Variants in SOX6 observed in about 807,000 individuals in gnomAD.
The protein encoded by SOX6 is SRY-box transcription factor 6, also known as transcription factor SOX-6.
A neutral mutation model predicts 97.8 loss-of-function variants in SOX6; 11 were observed. The observed-to-expected ratio is 0.11, with a 90% CI of 0.07 to 0.19. SOX6 has a LOEUF of 0.19. Among genes scored for constraint, SOX6 ranks in the 10% least tolerant of loss-of-function variants. The probability of loss-of-function intolerance (pLI) is 1.00; values close to 1 mark genes in which losing one functional copy is unlikely to be tolerated. For synonymous variants in SOX6, 360 were observed against 371.4 expected, an observed-to-expected ratio of 0.97 and a Z score of 0.35; for missense variants, 810 against 1,039.5, an observed-to-expected ratio of 0.78 and a Z score of 3.04.
intron 4 of SOX6, among the ~76,000 whole-genome samples, chr11:16,568,426 G>A (rs1202138545): frequency 6.6e-6 from 1 of 152,170 alleles, no homozygotes; most frequent in Non-Finnish European, 1.5e-5. Context: ...GCAGATTTGG[G>A]GAGAAGGGAG....
intron 3 of SOX6, among the ~76,000 whole-genome samples, chr11:16,664,224 C>T (rs551479748): frequency 6.6e-6 from 1 of 152,190 alleles, no homozygotes; most frequent in East Asian, 1.9e-4. Context: ...TTCATAAGAA[C>T]CAAAAATCAG....
chr11:16,438,370 C>T (rs573396942), intron 1 of SOX6, among the ~76,000 whole-genome samples: 21 of 151,880 alleles, frequency 1.4e-4, no homozygotes, highest in African/African-American at 3.9e-4. Context: ...CAAAATTGGG[C>T]GATATTTACC....
intron 4 of SOX6, among the ~76,000 whole-genome samples, chr11:16,509,484 A>T (rs1176908290): frequency 6.6e-6 from 1 of 152,060 alleles, no homozygotes; most frequent in Non-Finnish European, 1.5e-5. Context: ...TGGTGGTCTA[A>T]GCATAATGGA....
intron 3 of SOX6, among the ~76,000 whole-genome samples, chr11:16,238,481 T>C (rs1478290367): frequency 6.6e-6 from 1 of 152,218 alleles, no homozygotes; most frequent in East Asian, 1.9e-4. Flanking sequence ...AATTTTATGA[T>C]GTAAGAAAAA....
Position 15,986,328 on chromosome 11 carries a change from T to C in SOX6, c.2059A>G (p.Asn687Asp), listed in dbSNP as rs766300294. ...LSKIHLEKYP[N>D]YKYKPRPKRT... The stretch of plus-strand genomic sequence containing the variant: ...TTCGGTCGGGGTTTGTATTTATAGT[T>C]TGGGTACTTCTCTAAGTGGATCTTG... The change falls in exon 15 of 16, where the codon AAC (asparagine) becomes GAC (aspartate). Residue 687 changes from asparagine to aspartate, a missense_variant. Around this residue, in one of 9 missense-constraint regions of SOX6, gnomAD observed 51 missense variants for 145.7 expected, o/e 0.35. Transcript: ENST00000683767. The C allele has an allele frequency of 5.6e-6, 9 of 1,614,138 alleles. No homozygotes were observed. The highest frequency in any genetic ancestry group is 7.6e-6 in the Non-Finnish European group (9 of 1,180,022).
At chr11:16,030,144 T>C (rs1375808518) in intron 12 of SOX6, among the ~76,000 whole-genome samples, 6 of 152,184 alleles carry the variant, frequency 3.9e-5, no homozygotes, top group African/African-American at 1.2e-4. Flanking sequence ...TAATTGGCAA[T>C]GTGACATGAA....
intron 4 of SOX6, among the ~76,000 whole-genome samples, chr11:16,233,131 A>C (rs1032595854): frequency 3.9e-5 from 6 of 152,178 alleles, no homozygotes; most frequent in Non-Finnish European, 5.9e-5. Flanking sequence ...AATTATTATC[A>C]AATTTTCATC....
At chr11:16,132,473 AAAG>A (rs538095156) in intron 6 of SOX6, among the ~76,000 whole-genome samples, 1 of 145,364 alleles carries the variant, frequency 6.9e-6, no homozygotes, top group South Asian at 2.2e-4. Context: ...AGAAAGAAAG[AAAG>A]AAAGAAAGAA....
At position 16,543,783 on chromosome 11, in the gene SOX6, G is replaced by C. The variant is rs138977096; in HGVS notation, n.610-67395C>G. Among the ~76,000 whole-genome samples, 42 of 152,268 alleles carry C rather than the reference G, an allele frequency of 2.8e-4. No homozygotes were observed. The East Asian group carries it at 5.8e-3, about 21-fold the overall frequency. On this transcript the variant is annotated intron_variant and non_coding_transcript_variant, in intron 4 of 5. Coordinates refer to the SOX6 transcript ENST00000524520. ...AATTAGCACACTCAATACATTGCTG[G>C]TAGGAATATAAAATGTGCACATGCT... is the stretch of plus-strand genomic sequence containing the variant.
chr11:16,504,330 C>T (rs4622221), intron 4 of SOX6, among the ~76,000 whole-genome samples: 89,378 of 151,762 alleles, frequency 0.59, 26,821 homozygotes, highest in East Asian at 0.95. Context: ...CATAATCTTA[C>T]ATCTAGAAAA....
chr11:16,601,779 T>TA (rs1848273342), intron 4 of SOX6, among the ~76,000 whole-genome samples: 1 of 152,072 alleles, frequency 6.6e-6, no homozygotes, highest in South Asian at 2.1e-4. Context: ...AAATAATTCC[T>TA]AAAAAAGGTC....
intron 1 of SOX6, among the ~76,000 whole-genome samples, chr11:16,464,727 C>T (rs1184143153): frequency 6.6e-6 from 1 of 152,072 alleles, no homozygotes; most frequent in African/African-American, 2.4e-5. Context: ...GAGTGTAATA[C>T]ATAGATGATT....
At position 16,522,131 on chromosome 11, in the gene SOX6, G is replaced by A. The variant is rs568979428; in HGVS notation, n.610-45743C>T. On this transcript the variant is annotated intron_variant and non_coding_transcript_variant, in intron 4 of 5. Coordinates refer to the SOX6 transcript ENST00000524520. ...TTCACATTCAGGAAATACAGAGAAC[G>A]CCACAAAGATACTCCTCAAGAAGAG... Among the ~76,000 whole-genome samples the A allele has an allele frequency of 2.1e-3, 321 of 152,070 alleles. 1 individual carries two copies. Among genetic ancestry groups the A allele is most frequent in the Non-Finnish European group, 2.5e-3 (169 of 67,984 alleles).
At chr11:16,039,744 ACTAC>A (rs1371709165) in intron 12 of SOX6, among the ~76,000 whole-genome samples, 1 of 152,080 alleles carries the variant, frequency 6.6e-6, no homozygotes, top group African/African-American at 2.4e-5. Context: ...TATTTATATT[ACTAC>A]CTAATTGATT....
chr11:16,738,086 C>CA (rs1377059869), intron 1 of SOX6, among the ~76,000 whole-genome samples: 3 of 151,868 alleles, frequency 2.0e-5, no homozygotes, highest in Non-Finnish European at 4.4e-5. Flanking sequence ...CAACAACCGC[C>CA]AATTAGCCAA....
chr11:16,405,444 C>T (rs1387977318), intron 1 of SOX6, among the ~76,000 whole-genome samples: 2 of 151,976 alleles, frequency 1.3e-5, no homozygotes, highest in African/African-American at 4.8e-5. Flanking sequence ...TCTAACACCC[C>T]TTCTCCGAAT....
intron 10 of SOX6, among the ~76,000 whole-genome samples, chr11:16,051,512 A>G (rs1431504208): frequency 2.6e-5 from 4 of 152,138 alleles, no homozygotes; most frequent in Non-Finnish European, 2.9e-5. Flanking sequence ...ACGTTTATGT[A>G]TATTTATACA....
chr11:16,678,243 T>C (rs1847899188), intron 3 of SOX6, among the ~76,000 whole-genome samples: 1 of 152,328 alleles, frequency 6.6e-6, no homozygotes, highest in East Asian at 1.9e-4. Flanking sequence ...TCTAAAGTGA[T>C]GGATTTGAGA....
intron 4 of SOX6, among the ~76,000 whole-genome samples, chr11:16,511,309 T>C (rs1439961568): frequency 1.3e-5 from 2 of 152,176 alleles, no homozygotes; most frequent in African/African-American, 2.4e-5. Flanking sequence ...CTCCCACCCA[T>C]AGAGTGTCAT....
Sources: gnomAD v4.1 joint callset for allele counts (sites outside exome capture counted in the v4.1 genomes callset) on GRCh38, gnomAD v4.1.1 for gene constraint, gnomAD v4.1.1 regional missense constraint, MANE v1.5 for transcripts, NCBI Gene and HGNC (gene_info 2026-07-23, HGNC 2026-07-21) for gene names.